Variants in CPNE8 observed in about 807,000 individuals in gnomAD.
The protein encoded by CPNE8 is copine 8.
CPNE8 carries 45 observed loss-of-function variants against 81.5 expected under a neutral mutation model. That is an observed-to-expected ratio of 0.55 (90% CI 0.44 to 0.71). The LOEUF is 0.71. Ranked by LOEUF, CPNE8 falls within the 30% of genes least tolerant of loss-of-function variation. The probability of loss-of-function intolerance (pLI) is 0.00; values close to 1 mark genes in which losing one functional copy is unlikely to be tolerated. For missense variants in CPNE8, 594 were observed against 672.1 expected, an observed-to-expected ratio of 0.88 and a Z score of 1.28; for synonymous variants, 252 against 226.3, an observed-to-expected ratio of 1.11 and a Z score of -1.02.
At chr12:38,792,823 A>C (rs866611263) in intron 6 of CPNE8, among the ~76,000 whole-genome samples, 32 of 151,952 alleles carry the variant, frequency 2.1e-4, no homozygotes, top group African/African-American at 6.8e-4. Flanking sequence ...ATATTGATGC[A>C]AAAATCCTCA....
At chr12:38,675,831 A>T in intron 17 of CPNE8, 57 bp from the exon 18 acceptor site, 1 of 1,125,964 alleles carries the variant, frequency 8.9e-7, no homozygotes, top group Non-Finnish European at 1.3e-6. Flanking sequence ...TTAAGAAAAT[A>T]ATTAAAGGCC....
At chr12:38,898,738 T>A (rs2137159421) in intron 1 of CPNE8, among the ~76,000 whole-genome samples, 1 of 152,324 alleles carries the variant, frequency 6.6e-6, no homozygotes, top group Non-Finnish European at 1.5e-5. Context: ...ATGCTTTGAT[T>A]CCTTTCACCG....
intron 10 of CPNE8, among the ~76,000 whole-genome samples, chr12:38,754,196 C>G (rs536409698): frequency 5.3e-5 from 8 of 152,138 alleles, no homozygotes; most frequent in African/African-American, 1.7e-4. Flanking sequence ...AATGGTGAAG[C>G]CAAGCAAATA....
chr12:38,726,199 A>G (rs910610413), intron 11 of CPNE8, among the ~76,000 whole-genome samples: 4 of 151,166 alleles, frequency 2.6e-5, no homozygotes, highest in African/African-American at 9.7e-5. Flanking sequence ...TTAGGGTCCT[A>G]TTTTTAAATT....
intron 19 of CPNE8, among the ~76,000 whole-genome samples, chr12:38,655,368 T>C (rs1270600120): frequency 6.6e-6 from 1 of 152,192 alleles, no homozygotes; most frequent in Non-Finnish European, 1.5e-5. Context: ...CTTAGGGGCA[T>C]AATGATGCTT....
chr12:38,902,022 C>G (rs1944470997), intron 1 of CPNE8, among the ~76,000 whole-genome samples: 1 of 151,886 alleles, frequency 6.6e-6, no homozygotes, highest in African/African-American at 2.4e-5. Context: ...AATAAACAGA[C>G]TAAATTATTT....
chr12:38,848,497 T>G lies in CPNE8; in HGVS notation c.290+62A>C, dbSNP rs368026106. The G allele has an allele frequency of 1.5e-4, 228 of 1,491,912 alleles. No homozygotes were observed. In the African/African-American group the frequency reaches 2.9e-3, roughly 19 times the overall value. The allele number at this position is 1,491,912 out of a possible 1,614,324, so 92.4% of individuals were successfully genotyped here. A position where few individuals can be genotyped will look rare whatever the true frequency, so the allele number is the denominator to read the frequency against. On this transcript the variant is annotated intron_variant, in intron 4 of 19. Coordinates refer to ENST00000331366, the MANE Select transcript of CPNE8 (RefSeq NM_153634.3). ...TCAGTGCAACCATAGGACCCTGCCTTACATTAGTAATATTGTCTTTAAAAT... is the reference window on the plus strand; with the variant it reads ...TCAGTGCAACCATAGGACCCTGCCTGACATTAGTAATATTGTCTTTAAAAT...
chr12:38,802,707 T>C (rs1214963176), intron 6 of CPNE8, among the ~76,000 whole-genome samples: 5 of 151,650 alleles, frequency 3.3e-5, no homozygotes, highest in Non-Finnish European at 5.9e-5. Flanking sequence ...CAAAAATCAA[T>C]GAATCCAGGA....
At chr12:38,872,961 A>G in intron 3 of CPNE8, 43 bp downstream of exon 3, 1 of 1,106,646 alleles carries the variant, frequency 9.0e-7, no homozygotes, top group Non-Finnish European at 1.4e-6. Flanking sequence ...AACTTACTGT[A>G]TCTTCAAGCC....
chr12:38,790,797 T>C (rs896723216), intron 6 of CPNE8, among the ~76,000 whole-genome samples: 1 of 151,638 alleles, frequency 6.6e-6, no homozygotes, highest in African/African-American at 2.4e-5. Context: ...ATCGAGCACA[T>C]GAAGAATAAA....
intron 14 of CPNE8, among the ~76,000 whole-genome samples, chr12:38,694,264 A>G (rs1162557816): frequency 3.3e-5 from 5 of 152,196 alleles, no homozygotes; most frequent in Admixed American, 3.3e-4. Flanking sequence ...AAGGCTTCCT[A>G]TAAATAACTG....
intron 8 of CPNE8, among the ~76,000 whole-genome samples, chr12:38,764,246 A>G (rs1484825699): frequency 6.6e-6 from 1 of 152,186 alleles, no homozygotes; most frequent in East Asian, 1.9e-4. Flanking sequence ...AGAAAATCAA[A>G]GTGGATAGGG....
chr12:38,673,626 A>G lies in CPNE8; in HGVS notation c.1432+2091T>C, dbSNP rs76627361. Among the ~76,000 whole-genome samples the G allele has an allele frequency of 0.016, 2,449 of 152,240 alleles. 294 individuals carry two copies. The East Asian group carries it at 0.32, about 20-fold the overall frequency. ...GTTTTTCTATCCCATTAGAACTTCC[A>G]TCATGGTGAAAACAGAAACCAGGTG... On this transcript the variant is annotated intron_variant, in intron 18 of 19. Coordinates refer to ENST00000331366, the MANE Select transcript of CPNE8 (RefSeq NM_153634.3).
chr12:38,798,507 G>A (rs372919280), intron 6 of CPNE8, among the ~76,000 whole-genome samples: 1 of 151,984 alleles, frequency 6.6e-6, no homozygotes, highest in Non-Finnish European at 1.5e-5. Flanking sequence ...GCTGAGAGAT[G>A]TTGTCACCAC....
intron 7 of CPNE8, among the ~76,000 whole-genome samples, chr12:38,772,464 C>T (rs956077329): frequency 6.6e-6 from 1 of 151,944 alleles, no homozygotes; most frequent in Non-Finnish European, 1.5e-5. Flanking sequence ...GGCTAAGAAC[C>T]TGAATAAGCA....
chr12:38,835,036 G>A (rs1219815701), intron 5 of CPNE8, among the ~76,000 whole-genome samples: 2 of 152,058 alleles, frequency 1.3e-5, no homozygotes, highest in Non-Finnish European at 2.9e-5. Context: ...GCAGGCATGT[G>A]CCACCATGCC....
chr12:38,862,590 T>C (rs117941964), intron 3 of CPNE8, among the ~76,000 whole-genome samples: 236 of 152,340 alleles, frequency 1.5e-3, no homozygotes, highest in Middle Eastern at 3.4e-3. Context: ...GGAGAATTTT[T>C]AGCCTAAAAT....
chr12:38,823,946 C>A (rs911955928), intron 6 of CPNE8, among the ~76,000 whole-genome samples: 1 of 152,036 alleles, frequency 6.6e-6, no homozygotes, highest in Non-Finnish European at 1.5e-5. Context: ...AAGAGAGGAG[C>A]CGATGAGTCA....
At position 38,842,767 on chromosome 12, in the gene CPNE8, G is replaced by A. The variant is rs185860044; in HGVS notation, c.291-2812C>T. On this transcript the variant is annotated intron_variant, in intron 4 of 19. Transcript: ENST00000331366. ...TAATTTTTGTATTTTTAGTAGAGAC[G>A]GGGTTTCACCATGTTGGCCAGGCTG... Among the ~76,000 whole-genome samples the A allele has an allele frequency of 8.8e-3, 1,334 of 151,576 alleles. 19 individuals are homozygous for A. The highest frequency in any genetic ancestry group is 0.038 in the South Asian group (183 of 4,796).
Sources: gnomAD v4.1 joint callset for allele counts (sites outside exome capture counted in the v4.1 genomes callset) on GRCh38, gnomAD v4.1.1 for gene constraint, MANE v1.5 for transcripts, NCBI Gene and HGNC (gene_info 2026-07-23, HGNC 2026-07-21) for gene names.